Variants in AKR1C8 observed in about 807,000 individuals in gnomAD.
The protein encoded by AKR1C8 is aldo-keto reductase family 1 member C-like protein 1.
At chr10:5,160,074 G>C in the AKR1C8 span, 2 of 368,196 alleles carry the variant, frequency 5.4e-6, 1 homozygote, top group Admixed American at 7.8e-5. Flanking sequence ...GTTTGACTTT[G>C]TAAATGCTGG....
chr10:5,168,940 A>AATCT, the AKR1C8 span, among the ~76,000 whole-genome samples: 1 of 152,120 alleles, frequency 6.6e-6, no homozygotes, highest in Admixed American at 6.6e-5. Flanking sequence ...AAAACAGATG[A>AATCT]AAATACCTCA....
chr10:5,133,515 G>A, the AKR1C8 span, among the ~76,000 whole-genome samples: 3 of 152,154 alleles, frequency 2.0e-5, no homozygotes, highest in Non-Finnish European at 4.4e-5. Flanking sequence ...AAAACACACT[G>A]ACTTCCTCCA....
At chr10:5,152,316 A>G in the AKR1C8 span, among the ~76,000 whole-genome samples, 1 of 152,316 alleles carries the variant, frequency 6.6e-6, no homozygotes, top group East Asian at 1.9e-4. Flanking sequence ...GTTTGCTTGA[A>G]TCATACATAG....
chr10:5,173,911 A>AC, the AKR1C8 span, among the ~76,000 whole-genome samples: 1 of 152,006 alleles, frequency 6.6e-6, no homozygotes, highest in Non-Finnish European at 1.5e-5. Flanking sequence ...CTGTCTTACC[A>AC]CCCTTAATAC....
At chr10:5,123,629 A>C in the AKR1C8 span, 1 of 1,295,600 alleles carries the variant, frequency 7.7e-7, no homozygotes, top group South Asian at 1.5e-5. Flanking sequence ...ACTGAGAGTA[A>C]ACTCCAGGAA....
At chr10:5,122,811 T>C in the AKR1C8 span, among the ~76,000 whole-genome samples, 1 of 152,104 alleles carries the variant, frequency 6.6e-6, no homozygotes, top group African/African-American at 2.4e-5. Context: ...AGTATAATTA[T>C]GGTGTTCTAC....
the AKR1C8 span, among the ~76,000 whole-genome samples, chr10:5,181,922 AC>A: frequency 5.3e-5 from 8 of 152,332 alleles, no homozygotes; most frequent in East Asian, 5.8e-4. Context: ...TAATAAAAAA[AC>A]ATGCAAGACT....
At chr10:5,182,199 CTT>C in the AKR1C8 span, among the ~76,000 whole-genome samples, 1 of 152,088 alleles carries the variant, frequency 6.6e-6, no homozygotes, top group South Asian at 2.1e-4. Context: ...ATATTCAAGA[CTT>C]ATAACAATAT....
the AKR1C8 span, chr10:5,123,772 T>G: frequency 6.2e-7 from 1 of 1,613,458 alleles, no homozygotes; most frequent in Non-Finnish European, 8.5e-7. Context: ...TCTTTTGACT[T>G]GCAGAAATCC....
the AKR1C8 span, chr10:5,154,702 G>C: frequency 6.6e-6 from 1 of 152,324 alleles, no homozygotes; most frequent in Non-Finnish European, 1.5e-5. Flanking sequence ...GGATTCTTCA[G>C]ATCTTTTTTG....
the AKR1C8 span, among the ~76,000 whole-genome samples, chr10:5,130,059 A>C: frequency 6.6e-6 from 1 of 152,014 alleles, no homozygotes; most frequent in East Asian, 1.9e-4. Context: ...CATATCAAAA[A>C]GATAATACAT....
chr10:5,174,152 T>G, the AKR1C8 span, among the ~76,000 whole-genome samples: 1 of 151,990 alleles, frequency 6.6e-6, no homozygotes, highest in East Asian at 1.9e-4. Context: ...TTCCTAGCCC[T>G]GTTCTTAAAA....
At chr10:5,143,881 TC>T in the AKR1C8 span, among the ~76,000 whole-genome samples, 2 of 151,972 alleles carry the variant, frequency 1.3e-5, no homozygotes, top group Admixed American at 1.3e-4. Context: ...GAATGACCAC[TC>T]TAATCTAACC....
the AKR1C8 span, among the ~76,000 whole-genome samples, chr10:5,131,570 A>G: frequency 6.6e-6 from 1 of 152,126 alleles, no homozygotes; most frequent in East Asian, 1.9e-4. Context: ...GCCAACAAAC[A>G]TATGAAAAAA....
chr10:5,163,162 C>T, the AKR1C8 span: 1 of 356,288 alleles, frequency 2.8e-6, no homozygotes, highest in African/African-American at 2.1e-5. Flanking sequence ...CAGACCTGTA[C>T]TCTGAGGACA....
At chr10:5,179,384 C>T in the AKR1C8 span, among the ~76,000 whole-genome samples, 2 of 152,094 alleles carry the variant, frequency 1.3e-5, no homozygotes, top group African/African-American at 4.8e-5. Context: ...GTGGGTAACC[C>T]GACCTTTCTC....
the AKR1C8 span, among the ~76,000 whole-genome samples, chr10:5,137,935 C>A: frequency 3.3e-5 from 5 of 151,970 alleles, no homozygotes; most frequent in Non-Finnish European, 7.4e-5. Context: ...AAAAGCAGAA[C>A]TACTAATAAG....
At chr10:5,152,323 A>G in the AKR1C8 span, among the ~76,000 whole-genome samples, 1 of 152,160 alleles carries the variant, frequency 6.6e-6, no homozygotes. Context: ...TGAATCATAC[A>G]TAGAGCTCTA....
At chr10:5,148,041 T>C in the AKR1C8 span, among the ~76,000 whole-genome samples, 1 of 152,158 alleles carries the variant, frequency 6.6e-6, no homozygotes, top group Non-Finnish European at 1.5e-5. Flanking sequence ...CTCCTTTTTT[T>C]GTATTTTTCT....
Sources: gnomAD v4.1 joint callset for allele counts (sites outside exome capture counted in the v4.1 genomes callset) on GRCh38, gnomAD v4.1.1 for gene constraint, MANE v1.5 for transcripts, NCBI Gene and HGNC (gene_info 2026-07-23, HGNC 2026-07-21) for gene names.